Variants in PTPRM observed in about 807,000 individuals in gnomAD.
PTPRM encodes receptor-type tyrosine-protein phosphatase mu.
A neutral mutation model predicts 186.7 loss-of-function variants in PTPRM; 47 were observed. The ratio of observed to expected loss-of-function variants is 0.25; its 90% confidence interval spans 0.20 to 0.32. PTPRM has a LOEUF of 0.32. Ranked by LOEUF, PTPRM falls within the 10% of genes least tolerant of loss-of-function variation. PTPRM has a pLI of 1.00. For synonymous variants in PTPRM, 668 were observed against 674.9 expected (o/e 0.99, Z 0.16); for missense variants, 1,494 against 1,865.0 (o/e 0.80, Z 3.66).
At chr18:8,152,698 C>A (rs1448973672) in intron 14 of PTPRM, among the ~76,000 whole-genome samples, 36 of 121,590 alleles carry the variant, frequency 3.0e-4, no homozygotes, top group Admixed American at 2.4e-3. Flanking sequence ...TTCTCTTTTT[C>A]TTATGCCTCA....
chr18:8,093,850 G>A (rs182650421), intron 11 of PTPRM, among the ~76,000 whole-genome samples: 1 of 152,312 alleles, frequency 6.6e-6, no homozygotes, highest in African/African-American at 2.4e-5. Flanking sequence ...CCATGGGTAT[G>A]AAGAACCAGT....
intron 19 of PTPRM, among the ~76,000 whole-genome samples, chr18:8,277,258 A>G (rs1316626382): frequency 6.6e-6 from 1 of 152,168 alleles, no homozygotes; most frequent in Non-Finnish European, 1.5e-5. Context: ...AAACAGTAGA[A>G]ATGTTGGAAA....
At chr18:7,853,040 A>G (rs987088099) in intron 2 of PTPRM, among the ~76,000 whole-genome samples, 3 of 152,212 alleles carry the variant, frequency 2.0e-5, no homozygotes, top group Non-Finnish European at 4.4e-5. Flanking sequence ...CCACCCTTTT[A>G]AATGTTTTCT....
intron 10 of PTPRM, 108 bp downstream of exon 10, chr18:8,085,980 AG>A: frequency 9.5e-7 from 1 of 1,048,288 alleles, no homozygotes; most frequent in Non-Finnish European, 1.5e-6. Context: ...TTGTATCCAA[AG>A]GAATACTCCT....
chr18:8,226,819 T>TC (rs1309998436), intron 14 of PTPRM, among the ~76,000 whole-genome samples: 1 of 152,202 alleles, frequency 6.6e-6, no homozygotes, highest in Non-Finnish European at 1.5e-5. Flanking sequence ...AGGGCTGTGT[T>TC]CCTTTCTGGG....
intron 14 of PTPRM, among the ~76,000 whole-genome samples, chr18:8,184,276 T>G (rs974654406): frequency 6.6e-5 from 10 of 152,214 alleles, no homozygotes; most frequent in African/African-American, 2.4e-4. Flanking sequence ...TCAAGTTTAT[T>G]TCATCTTCTC....
chr18:8,250,643 G>T (rs2094519698), intron 17 of PTPRM, among the ~76,000 whole-genome samples: 1 of 151,774 alleles, frequency 6.6e-6, no homozygotes, highest in South Asian at 2.1e-4. Context: ...TAATAAATTA[G>T]CCAGGCATGG....
intron 1 of PTPRM, among the ~76,000 whole-genome samples, chr18:7,649,615 A>G (rs2038646854): frequency 1.3e-5 from 2 of 152,130 alleles, no homozygotes; most frequent in African/African-American, 4.8e-5. Context: ...TCAGGACTTC[A>G]GTGGAGAAAG....
chr18:7,989,788 T>C (rs1279070577), intron 7 of PTPRM, among the ~76,000 whole-genome samples: 1 of 152,202 alleles, frequency 6.6e-6, no homozygotes, highest in East Asian at 1.9e-4. Flanking sequence ...CACCATCTGC[T>C]CTCATACTCC....
At chr18:8,004,116 G>T (rs536777793) in intron 7 of PTPRM, among the ~76,000 whole-genome samples, 20 of 152,276 alleles carry the variant, frequency 1.3e-4, no homozygotes, top group Non-Finnish European at 2.2e-4. Flanking sequence ...GACAGAGGGG[G>T]AATCTCAGCT....
chr18:8,353,139 G>A (rs891070105), intron 23 of PTPRM, among the ~76,000 whole-genome samples: 1 of 152,180 alleles, frequency 6.6e-6, no homozygotes, highest in Admixed American at 6.6e-5. Flanking sequence ...GGAAAGCACA[G>A]GAAGGGGAGG....
At chr18:7,660,206 C>G (rs566739456) in intron 1 of PTPRM, among the ~76,000 whole-genome samples, 185 of 152,138 alleles carry the variant, frequency 1.2e-3, no homozygotes, top group Non-Finnish European at 9.9e-4. Context: ...CATGGTGGCG[C>G]ATGCCTGTAG....
intron 14 of PTPRM, among the ~76,000 whole-genome samples, chr18:8,191,258 A>G (rs963935921): frequency 6.6e-6 from 1 of 152,186 alleles, no homozygotes; most frequent in Non-Finnish European, 1.5e-5. Flanking sequence ...AATATGGGCC[A>G]TATCATTTGA....
intron 23 of PTPRM, among the ~76,000 whole-genome samples, chr18:8,351,480 C>T (rs1356430829): frequency 1.3e-5 from 2 of 152,210 alleles, no homozygotes; most frequent in African/African-American, 4.8e-5. Context: ...AACTCACCTT[C>T]TCAGCCATTC....
At chr18:7,733,280 C>G (rs1227900133) in intron 1 of PTPRM, among the ~76,000 whole-genome samples, 4 of 152,038 alleles carry the variant, frequency 2.6e-5, no homozygotes, top group African/African-American at 9.7e-5. Context: ...TGTTCTCCTC[C>G]TTGGTTTCCA....
At chr18:7,576,684 C>T (rs2036696483) in intron 1 of PTPRM, among the ~76,000 whole-genome samples, 1 of 152,062 alleles carries the variant, frequency 6.6e-6, no homozygotes, top group African/African-American at 2.4e-5. Context: ...TGGTACATTG[C>T]CCAGGCTAGT....
intron 8 of PTPRM, among the ~76,000 whole-genome samples, chr18:8,070,460 A>G (rs1024892481): frequency 1.3e-5 from 2 of 152,214 alleles, no homozygotes; most frequent in East Asian, 3.9e-4. Flanking sequence ...TTTTCAACAC[A>G]GTCTTGAGAA....
intron 20 of PTPRM, among the ~76,000 whole-genome samples, chr18:8,312,112 AC>A (rs1601756080): frequency 6.6e-6 from 1 of 152,208 alleles, no homozygotes; most frequent in African/African-American, 2.4e-5. Flanking sequence ...AGAGGAGCTG[AC>A]GAAAGCCCAG....
At chr18:8,101,199 G>A (rs567318028) in intron 11 of PTPRM, among the ~76,000 whole-genome samples, 25 of 152,288 alleles carry the variant, frequency 1.6e-4, no homozygotes, top group African/African-American at 6.0e-4. Flanking sequence ...ATGCTTCTGG[G>A]TTTAAATTCT....
Sources: gnomAD v4.1 joint callset for allele counts (sites outside exome capture counted in the v4.1 genomes callset) on GRCh38, gnomAD v4.1.1 for gene constraint, MANE v1.5 for transcripts, NCBI Gene and HGNC (gene_info 2026-07-23, HGNC 2026-07-21) for gene names.